The following DGKH variants were observed in gnomAD, a reference collection of about 807,000 sequenced individuals.
DGKH encodes the protein DAG kinase eta.
Under a neutral mutation model 159.3 loss-of-function variants are expected in DGKH, and 90 were observed. That is an observed-to-expected ratio of 0.57 (90% CI 0.48 to 0.67). The LOEUF (loss-of-function observed/expected upper bound fraction) is 0.67. Ranked by LOEUF, DGKH falls within the 30% of genes least tolerant of loss-of-function variation. The pLI is 0.00. For missense variants in DGKH, 1,181 were observed against 1,506.1 expected, an observed-to-expected ratio of 0.78 and a Z score of 3.57; for synonymous variants, 536 against 553.8, an observed-to-expected ratio of 0.97 and a Z score of 0.45.
intron 12 of DGKH, among the ~76,000 whole-genome samples, 180 bp downstream of exon 12, chr13:42,174,324 C>T (rs143242035): frequency 6.6e-6 from 1 of 152,098 alleles, no homozygotes. Context: ...GAGAAGAATC[C>T]TGAATCTAGG....
chr13:42,135,507 A>AAAAAAAAAAAG (rs71096557), intron 3 of DGKH, among the ~76,000 whole-genome samples: 16 of 113,434 alleles, frequency 1.4e-4, no homozygotes, highest in East Asian at 9.1e-4. Flanking sequence ...AAAAAAAAAA[A>AAAAAAAAAAAG]AGAGAGAGAG....
intron 25 of DGKH, 66 bp downstream of exon 25, chr13:42,214,678 C>T (rs1466605261): frequency 2.0e-6 from 3 of 1,485,340 alleles, no homozygotes; most frequent in African/African-American, 2.8e-5. Flanking sequence ...TATTTTAATA[C>T]TGTAAAATAT....
rs1555275951 is a variant in DGKH, at chr13:42,206,977, T to TTCTTTCTC, written c.2601+838_2601+839insCTCTTTCT. Among the ~76,000 whole-genome samples the TTCTTTCTC allele has an allele frequency of 2.9e-4, 31 of 106,554 alleles. No individual in the cohort carries two copies. The East Asian group carries it at 8.2e-3, about 28-fold the overall frequency. 69.9% of individuals were successfully genotyped at this position (106,554 alleles called of 152,430 possible). A position where few individuals can be genotyped will look rare whatever the true frequency, so the allele number is the denominator to read the frequency against. On this transcript the variant is annotated intron_variant, in intron 21 of 29. Coordinates refer to ENST00000337343, the MANE Select transcript of DGKH (RefSeq NM_178009.5). ...CAATACCTTTTGGTACTTTTACTTT[T>TTCTTTCTC]TCTTTCTTTCTTTCTTTCTTTCTTT... is the stretch of plus-strand genomic sequence containing the variant.
At chr13:42,086,683 A>T (rs1471388982) in intron 1 of DGKH, among the ~76,000 whole-genome samples, 1 of 152,224 alleles carries the variant, frequency 6.6e-6, no homozygotes, top group Non-Finnish European at 1.5e-5. Flanking sequence ...ATTCTAAACA[A>T]TGGTCTGTTT....
chr13:42,222,959 A>G (rs1393213598), intron 29 of DGKH, among the ~76,000 whole-genome samples: 2 of 152,202 alleles, frequency 1.3e-5, no homozygotes, highest in African/African-American at 2.4e-5. Context: ...GTTAAGAATT[A>G]TCTTAGAAAA....
intron 21 of DGKH, among the ~76,000 whole-genome samples, chr13:42,207,050 CTTCTTTCCTTCCTTCT>C (rs1957505425): frequency 9.1e-5 from 3 of 33,030 alleles, no homozygotes; most frequent in Admixed American, 7.3e-4. Flanking sequence ...TCCTTCTTTC[CTTCTTTCCTTCCTTCT>C]TTCTTTCTTT....
intron 5 of DGKH, among the ~76,000 whole-genome samples, chr13:42,157,187 T>A (rs951344907): frequency 2.0e-5 from 3 of 152,186 alleles, no homozygotes; most frequent in Non-Finnish European, 4.4e-5. Flanking sequence ...AGAGATCTGA[T>A]TGGCCTGTAT....
chr13:42,157,174 A>C (rs1166857281), intron 5 of DGKH, among the ~76,000 whole-genome samples: 1 of 152,198 alleles, frequency 6.6e-6, no homozygotes, highest in Admixed American at 6.5e-5. Flanking sequence ...GAATGATTGC[A>C]AAAGAGATCT....
At chr13:42,244,936 A>AAT (rs1566237202), downstream of DGKH, among the ~76,000 whole-genome samples, 14 of 119,494 alleles carry the variant, frequency 1.2e-4, 1 homozygote, top group South Asian at 2.8e-4. Context: ...AAAAAAAAAG[A>AAT]ACAACATACA....
chr13:42,199,458 G>T, intron 18 of DGKH, 108 bp from the exon 19 acceptor site: 1 of 717,828 alleles, frequency 1.4e-6, no homozygotes, highest in Non-Finnish European at 2.2e-6. Context: ...TTTACAATCT[G>T]CTATAAAATG....
chr13:42,076,208 A>G (rs1258965630), intron 1 of DGKH, among the ~76,000 whole-genome samples: 1 of 152,208 alleles, frequency 6.6e-6, no homozygotes, highest in Non-Finnish European at 1.5e-5. Context: ...CTTAACAAGT[A>G]AAATCATTTC....
chr13:42,048,922 A>G lies in DGKH; in HGVS notation c.149A>G (p.Lys50Arg). The G allele has an allele frequency of 5.2e-6, 7 of 1,335,498 alleles. No individual in the cohort carries two copies. Among genetic ancestry groups the G allele is most frequent in the Non-Finnish European group, 6.8e-6 (7 of 1,035,458 alleles). The allele number at this position is 1,335,498 out of a possible 1,614,324, so 82.7% of individuals were successfully genotyped here. A position where few individuals can be genotyped will look rare whatever the true frequency, so the allele number is the denominator to read the frequency against. Reference sequence around the variant, plus strand: ...GAAGCGGAGCAAGAGGGACCCCAGAAACTGATCCGCAAAGTGTCTACCTCG... The same window carrying G: ...GAAGCGGAGCAAGAGGGACCCCAGAGACTGATCCGCAAAGTGTCTACCTCG... ...DSEAEQEGPQ[K>R]LIRKVSTSGQ... The change falls in exon 1 of 30, where the codon AAA becomes AGA. Residue 50 changes from lysine (K) to arginine (R), a missense_variant. By Grantham distance (26) the Lys-to-Arg change is conservative (BLOSUM62 2). This residue lies in a region of DGKH where 136 missense variants were observed against 132.2 expected (regional missense o/e 1.03). Transcript: ENST00000337343. This position sits in a 1 kb window ranked among gnomAD's most constrained non-coding sequence, Gnocchi z 6.7.
chr13:42,239,471 A>T lies in DGKH; in HGVS notation c.*10283A>T, dbSNP rs1233146027. 1 of 152,504 alleles carries T rather than the reference A, an allele frequency of 6.6e-6. No homozygotes were observed. The highest frequency in any genetic ancestry group is 1.5e-5 in the Non-Finnish European group (1 of 67,994). The allele number at this position is 152,504 out of a possible 1,614,324, so 9.4% of individuals were successfully genotyped here. On this transcript the variant is annotated 3_prime_UTR_variant, in exon 30 of 30. Coordinates refer to ENST00000337343, the MANE Select transcript of DGKH (RefSeq NM_178009.5). ...GTAAGCAAAAGCATTTTCTGCATCA[A>T]TTTTTTTCAGTATGCAGTTGCATAT...
chr13:42,147,172 A>T (rs1955756724), intron 3 of DGKH, among the ~76,000 whole-genome samples: 1 of 152,162 alleles, frequency 6.6e-6, no homozygotes, highest in African/African-American at 2.4e-5. Context: ...GGATTGGTAT[A>T]TAAATGATGC....
intron 7 of DGKH, among the ~76,000 whole-genome samples, chr13:42,161,381 G>T (rs1566144884): frequency 6.6e-6 from 1 of 152,380 alleles, no homozygotes; most frequent in East Asian, 1.9e-4. Flanking sequence ...GGGCGCGGTG[G>T]CTCACACCTG....
chr13:42,182,685 G>A (rs745347466), intron 13 of DGKH, among the ~76,000 whole-genome samples: 1 of 152,112 alleles, frequency 6.6e-6, no homozygotes, highest in Non-Finnish European at 1.5e-5. Flanking sequence ...GACCATGGTT[G>A]GTTGACTCCA....
At chr13:42,098,494 AAAAAT>A (rs1043493841) in intron 1 of DGKH, among the ~76,000 whole-genome samples, 5 of 152,096 alleles carry the variant, frequency 3.3e-5, no homozygotes, top group Admixed American at 3.3e-4. Flanking sequence ...CTCAAAAAAA[AAAAAT>A]AAATTAATAC....
rs1958368406 is a variant in DGKH, at chr13:42,234,271, A to G, written c.*5083A>G. 6.6e-6 allele frequency: 1 copy of G among 152,210 alleles called. No homozygotes were observed. The highest frequency in any genetic ancestry group is 2.1e-4 in the South Asian group (1 of 4,828). 9.4% of individuals were successfully genotyped at this position (152,210 alleles called of 1,614,324 possible). A position where few individuals can be genotyped will look rare whatever the true frequency, so the allele number is the denominator to read the frequency against. On this transcript the variant is annotated 3_prime_UTR_variant, in exon 30 of 30. Coordinates refer to ENST00000337343, the MANE Select transcript of DGKH (RefSeq NM_178009.5). The stretch of plus-strand genomic sequence containing the variant: ...TAGCTAATTTTTATTAATAAAGAGG[A>G]CAATATTTTTGTCTTCATGGAACTT...
chr13:42,136,132 G>T (rs1955398153), intron 3 of DGKH, among the ~76,000 whole-genome samples: 1 of 152,124 alleles, frequency 6.6e-6, no homozygotes, highest in Non-Finnish European at 1.5e-5. Flanking sequence ...AATTAAATGT[G>T]ATAATACACC....
Sources: gnomAD v4.1 joint callset for allele counts (sites outside exome capture counted in the v4.1 genomes callset) on GRCh38, gnomAD v4.1.1 for gene constraint, gnomAD v4.1.1 regional missense constraint, Gnocchi (gnomAD v3.1) non-coding constraint, MANE v1.5 for transcripts, NCBI Gene and HGNC (gene_info 2026-07-23, HGNC 2026-07-21) for gene names.